The following ZNF8 variants were observed in gnomAD, a reference collection of about 807,000 sequenced individuals.
ZNF8 encodes zinc finger protein 272.
A neutral mutation model predicts 12.2 loss-of-function variants in ZNF8; 9 were observed. The observed-to-expected ratio is 0.73, with a 90% confidence interval of 0.44 to 1.28. The LOEUF is 1.28. Among genes scored for constraint, ZNF8 ranks in the 50% most tolerant of loss-of-function variants. ZNF8 has a pLI of 0.00. For missense variants in ZNF8, 664 were observed against 729.1 expected (o/e 0.91, Z 1.03); for synonymous variants, 274 against 282.3 (o/e 0.97, Z 0.30).
chr19:58,285,638 T>C, intron 1 of ZNF8, 79 bp from the exon 2 acceptor site: 1 of 1,608,344 alleles, frequency 6.2e-7, no homozygotes, highest in South Asian at 1.1e-5. Flanking sequence ...CTGCCTGTTT[T>C]CTCCTTTTCC....
Position 58,295,530 on chromosome 19 carries a change from C to T in ZNF8, c.1722C>T (p.Ser574=). ...CCATGTTATTTGACATCAGAGAATC[C>T]ACATAGGAGAGAAACTTTGCTGATG... ...GASMLFDIRE[S]T is the part of the protein sequence containing the mutation. Residue 574 remains serine (S), a synonymous_variant, in exon 4 of 4, where the codon TCC becomes TCT. Coordinates refer to ENST00000621650, the MANE Select transcript of ZNF8 (RefSeq NM_021089.3). 6.3e-7 allele frequency: 1 copy of T among 1,591,038 alleles called. No individual in the cohort carries two copies. The highest frequency in any genetic ancestry group is 8.6e-7 in the Non-Finnish European group (1 of 1,168,554).
In ZNF8 at chr19:58,296,165, G is replaced by A. The variant is rs1252652871; in HGVS notation, c.*629G>A. On this transcript the variant is annotated 3_prime_UTR_variant, in exon 4 of 4. Coordinates refer to ENST00000621650, the MANE Select transcript of ZNF8 (RefSeq NM_021089.3). Reference sequence around the variant, plus strand: ...GTGCTTATGTGTGAAGTCCAGTTAGGTTCTCAGTTCATACCCTGAAAACTG... The same window carrying A: ...GTGCTTATGTGTGAAGTCCAGTTAGATTCTCAGTTCATACCCTGAAAACTG... The A allele has an allele frequency of 1.3e-5, 2 of 152,360 alleles. No homozygotes were observed. The highest frequency in any genetic ancestry group is 4.8e-5 in the African/African-American group (2 of 41,436). 9.4% of individuals were successfully genotyped at this position (152,360 alleles called of 1,614,324 possible). A position where few individuals can be genotyped will look rare whatever the true frequency, so the allele number is the denominator to read the frequency against.
At chr19:58,279,963 T>C in intron 1 of ZNF8, 10 of 927,556 alleles carry the variant, frequency 1.1e-5, no homozygotes, top group Non-Finnish European at 1.4e-5. Flanking sequence ...TTGATAATCT[T>C]AGGTTGCAGG....
rs201529192 is a variant in ZNF8 at position 58,285,838 on chromosome 19, C to G, written c.188C>G (p.Ser63Cys). Residue 63 changes from serine to cysteine, a missense_variant, in exon 2 of 4, where the codon TCC becomes TGC. Around this residue, in one of 3 missense-constraint regions of ZNF8, gnomAD observed 306 missense variants for 308.7 expected, o/e 0.99. Coordinates refer to ENST00000621650, the MANE Select transcript of ZNF8 (RefSeq NM_021089.3). ...CTGGAGACCTTTGGTCACCTGCTCT[C>G]CATAGGTAAGCCCTGCTTCGCAAGG... Reference protein sequence around the residue: ...VMLETFGHLLSIGPELPKPEV... With the variant: ...VMLETFGHLLCIGPELPKPEV... 4 of 1,610,606 alleles carry G rather than the reference C, an allele frequency of 2.5e-6. No homozygotes were observed. Among genetic ancestry groups the G allele is most frequent in the Non-Finnish European group, 3.4e-6 (4 of 1,178,068 alleles).
Position 58,297,456 on chromosome 19 carries a change from A to G in ZNF8, c.*1920A>G, listed in dbSNP as rs1004628147. The G allele has an allele frequency of 4.0e-5, 6 of 151,204 alleles. No individual in the cohort carries two copies. Among genetic ancestry groups the G allele is most frequent in the African/African-American group, 1.5e-4 (6 of 41,058 alleles). 9.4% of individuals were successfully genotyped at this position (151,204 alleles called of 1,614,324 possible). On this transcript the variant is annotated 3_prime_UTR_variant, in exon 4 of 4. Transcript: ENST00000621650. ...GAGACAGAGTCTCACTCTTTTGCCC[A>G]GGCTGGAGTCAGTGTTGTAATCACT...
Position 58,285,834 on chromosome 19 carries a change from C to A in ZNF8, c.184C>A (p.Leu62Ile). 1 of 1,611,676 alleles carries A rather than the reference C, an allele frequency of 6.2e-7. No homozygotes were observed. ...GATGCTGGAGACCTTTGGTCACCTG[C>A]TCTCCATAGGTAAGCCCTGCTTCGC... is the stretch of plus-strand genomic sequence containing the variant. ...DVMLETFGHL[L>I]SIGPELPKPE... is the part of the protein sequence containing the mutation. The change falls in exon 2 of 4, where the codon CTC (leucine) becomes ATC (isoleucine). Residue 62 changes from leucine to isoleucine, a missense_variant. Physicochemically the swap from Leu to Ile is conservative, Grantham distance 5 (BLOSUM62 2). This residue lies in a region of ZNF8 where 306 missense variants were observed against 308.7 expected (regional missense o/e 0.99). Transcript: ENST00000621650.
chr19:58,295,452 A>G lies in ZNF8; in HGVS notation c.1644A>G (p.Gln548=), dbSNP rs773391391. 3.7e-6 allele frequency: 6 copies of G among 1,613,826 alleles called. No individual in the cohort carries two copies. Among genetic ancestry groups the G allele is most frequent in the Non-Finnish European group, 3.4e-6 (4 of 1,180,032 alleles). The change falls in exon 4 of 4, where the codon CAA becomes CAG. Residue 548 remains glutamine (Q), a synonymous_variant. Coordinates refer to ENST00000621650, the MANE Select transcript of ZNF8 (RefSeq NM_021089.3). ...LALFDIQKIM[Q]EKNPVHVIGV... ...TGTTTGACATCCAAAAAATCATGCA[A>G]GAGAAAAACCCTGTGCACGTTATTG...
At position 58,295,708 on chromosome 19, in the gene ZNF8, C is replaced by T; in HGVS notation, c.*172C>T. 1 of 595,536 alleles carries T rather than the reference C, an allele frequency of 1.7e-6. No homozygotes were observed. Among genetic ancestry groups the T allele is most frequent in the South Asian group, 2.3e-5 (1 of 43,748 alleles). The allele number at this position is 595,536 out of a possible 1,614,324, so 36.9% of individuals were successfully genotyped here. On this transcript the variant is annotated 3_prime_UTR_variant, in exon 4 of 4. Transcript: ENST00000621650. ...GTTGGTTGGTCCCAAATCTATCAAA[C>T]TCAGTGCCCTCTTTAGCGACATATT...
intron 1 of ZNF8, among the ~76,000 whole-genome samples, chr19:58,281,534 C>G (rs541622050): frequency 2.0e-5 from 3 of 152,234 alleles, no homozygotes; most frequent in African/African-American, 7.2e-5. Context: ...CTTGGACAGA[C>G]CAGTACTCAG....
rs1000909682 is a variant in ZNF8, at chr19:58,299,468, C to G, written c.*3932C>G. 6.7e-6 allele frequency: 1 copy of G among 149,036 alleles called. No homozygotes were observed. Among genetic ancestry groups the G allele is most frequent in the African/African-American group, 2.5e-5 (1 of 40,788 alleles). 9.2% of individuals were successfully genotyped at this position (149,036 alleles called of 1,614,324 possible). ...ATGGTTGAGCATTGGAACGCATTAGCATCAGAACTTCCCGTGTCAGGCCAG... is the reference window on the plus strand; with the variant it reads ...ATGGTTGAGCATTGGAACGCATTAGGATCAGAACTTCCCGTGTCAGGCCAG... On this transcript the variant is annotated 3_prime_UTR_variant, in exon 4 of 4. Transcript: ENST00000621650.
At chr19:58,281,579 T>TG (rs1247959339) in intron 1 of ZNF8, among the ~76,000 whole-genome samples, 2 of 152,174 alleles carry the variant, frequency 1.3e-5, no homozygotes, top group African/African-American at 4.8e-5. Flanking sequence ...CAGTGACTCT[T>TG]GCAGAATGGG....
chr19:58,280,001 G>A, intron 1 of ZNF8: 1 of 542,410 alleles, frequency 1.8e-6, no homozygotes, highest in Non-Finnish European at 2.8e-6. Flanking sequence ...CTCCAAATTT[G>A]CATGAAATGC....
rs1460408381 is a variant in ZNF8 at position 58,301,596 on chromosome 19, G to A, written c.*6060G>A. On this transcript the variant is annotated 3_prime_UTR_variant, in exon 4 of 4. Transcript: ENST00000621650. The stretch of plus-strand genomic sequence containing the variant: ...GGTTCTAGACAGCTCTGGAAGTCAG[G>A]CCTGTGATTGCCTCATTCCCTCCAC... 1.3e-5 allele frequency: 2 copies of A among 152,312 alleles called. No homozygotes were observed. The allele number at this position is 152,312 out of a possible 1,614,324, so 9.4% of individuals were successfully genotyped here.
At chr19:58,282,632 ATT>A (rs775877918) in intron 1 of ZNF8, among the ~76,000 whole-genome samples, 2 of 147,892 alleles carry the variant, frequency 1.4e-5, no homozygotes, top group Non-Finnish European at 1.5e-5. Flanking sequence ...ATTTAATTTA[ATT>A]TTTTTTTTTT....
Position 58,295,581 on chromosome 19 carries a change from GGT to G in ZNF8, c.*46_*47del. 1.3e-6 allele frequency: 2 copies of G among 1,486,180 alleles called. No homozygotes were observed. Among genetic ancestry groups the G allele is most frequent in the Non-Finnish European group, 1.8e-6 (2 of 1,092,698 alleles). 92.1% of individuals were successfully genotyped at this position (1,486,180 alleles called of 1,614,324 possible). On this transcript the variant is annotated 3_prime_UTR_variant, in exon 4 of 4. Coordinates refer to ENST00000621650, the MANE Select transcript of ZNF8 (RefSeq NM_021089.3). ...ACTTTTAACCACAAGTAAAAAATGT[GGT>G]AAGTCCACATAGTGTACTCATGGAA... is the stretch of plus-strand genomic sequence containing the variant.
Position 58,294,062 on chromosome 19 carries a change from T to C in ZNF8, c.290-36T>C, listed in dbSNP as rs764180455. On this transcript the variant is annotated intron_variant, in intron 3 of 3. Transcript: ENST00000621650. The surrounding 1 kb of genome is among the most constrained non-coding windows in gnomAD (Gnocchi z 5.5). ...GGCCTGTCCCCCTTCCGTTTTTTTCTCCCAACAGCTCAGAGATCTTTGGGT... is the reference window on the plus strand; with the variant it reads ...GGCCTGTCCCCCTTCCGTTTTTTTCCCCCAACAGCTCAGAGATCTTTGGGT... 107 of 1,551,784 alleles carry C rather than the reference T, an allele frequency of 6.9e-5. No individual in the cohort carries two copies. Among genetic ancestry groups the C allele is most frequent in the Non-Finnish European group, 9.2e-5 (106 of 1,147,220 alleles).
chr19:58,291,357 T>G (rs1287554864), intron 3 of ZNF8, among the ~76,000 whole-genome samples: 1 of 152,104 alleles, frequency 6.6e-6, no homozygotes, highest in African/African-American at 2.4e-5. Context: ...CAGGCTGGAG[T>G]TGGAGCCTGT....
intron 3 of ZNF8, among the ~76,000 whole-genome samples, chr19:58,291,328 G>T (rs2051418263): frequency 6.6e-6 from 1 of 152,182 alleles, no homozygotes; most frequent in African/African-American, 2.4e-5. Flanking sequence ...TCAGTGAGTT[G>T]TTCTGGGCAG....
chr19:58,287,337 CTT>C (rs35511685), intron 3 of ZNF8, among the ~76,000 whole-genome samples: 15 of 117,782 alleles, frequency 1.3e-4, no homozygotes, highest in African/African-American at 2.9e-4. Flanking sequence ...CCATGCCCAG[CTT>C]TTTTTTTTTT....
Sources: gnomAD v4.1 joint callset for allele counts (sites outside exome capture counted in the v4.1 genomes callset) on GRCh38, gnomAD v4.1.1 for gene constraint, gnomAD v4.1.1 regional missense constraint, Gnocchi (gnomAD v3.1) non-coding constraint, MANE v1.5 for transcripts, NCBI Gene and HGNC (gene_info 2026-07-23, HGNC 2026-07-21) for gene names.